Variants in MOK observed in about 807,000 individuals in gnomAD.
MOK encodes the protein MAPK/MAK/MRK overlapping kinase.
Under a neutral mutation model 54.2 loss-of-function variants are expected in MOK, and 59 were observed. That is an observed-to-expected ratio of 1.09 (90% CI 0.88 to 1.35). The LOEUF (loss-of-function observed/expected upper bound fraction) is 1.35. Among genes scored for constraint, MOK ranks in the 40% most tolerant of loss-of-function variants. MOK has a pLI of 0.00. For missense variants in MOK, 517 were observed against 526.2 expected (o/e 0.98, Z 0.17); for synonymous variants, 210 against 202.7 (o/e 1.04, Z -0.31).
chr14:102,288,724 C>T (rs1371267540), intron 1 of MOK, among the ~76,000 whole-genome samples: 4 of 152,138 alleles, frequency 2.6e-5, no homozygotes, highest in African/African-American at 9.7e-5. Context: ...TCCATTAAAA[C>T]AGACAACTCT....
intron 1 of MOK, among the ~76,000 whole-genome samples, chr14:102,304,120 T>C (rs1171233887): frequency 6.6e-6 from 1 of 152,210 alleles, no homozygotes; most frequent in Non-Finnish European, 1.5e-5. Flanking sequence ...AGATTAATTA[T>C]TTTAAATGTT....
chr14:102,250,888 A>T lies in MOK; in HGVS notation c.514T>A (p.Cys172Ser), dbSNP rs1239296624. 1 of 1,613,918 alleles carries T rather than the reference A, an allele frequency of 6.2e-7. No homozygotes were observed. Residue 172 changes from cysteine to serine, a missense_variant, in exon 7 of 12, where the codon TGT (cysteine) becomes AGT (serine). By Grantham distance (112) the Cys-to-Ser change is moderately radical (BLOSUM62 -1). Transcript: ENST00000361847. ...GTGTAGAACCCATCAGTGAGGAGACACTCCGGGGCCCGGTACCAGCGGGTG... is the reference window on the plus strand; with the variant it reads ...GTGTAGAACCCATCAGTGAGGAGACTCTCCGGGGCCCGGTACCAGCGGGTG... ...ISTRWYRAPE[C>S]LLTDGFYTYK... is the part of the protein sequence containing the mutation.
chr14:102,256,499 G>A (rs1031650083), intron 4 of MOK, among the ~76,000 whole-genome samples: 3 of 151,950 alleles, frequency 2.0e-5, no homozygotes, highest in East Asian at 3.9e-4. Flanking sequence ...GCGTGAACCC[G>A]GGAGGCGGAG....
At position 102,258,849 on chromosome 14, in the gene MOK, C is replaced by T. The variant is rs187854638; in HGVS notation, c.283+4697G>A. On this transcript the variant is annotated intron_variant, in intron 4 of 11. Coordinates refer to ENST00000361847, the MANE Select transcript of MOK (RefSeq NM_014226.3). ...TTGGGAGGCTGAGGCGGGCAGATCACGAGGTCAGGAGTTTGAGACAGCCTG... is the reference window on the plus strand; with the variant it reads ...TTGGGAGGCTGAGGCGGGCAGATCATGAGGTCAGGAGTTTGAGACAGCCTG... Among the ~76,000 whole-genome samples, 383 of 152,274 alleles carry T rather than the reference C, an allele frequency of 2.5e-3. 4 individuals carry two copies. Among genetic ancestry groups the T allele is most frequent in the African/African-American group, 8.4e-3 (350 of 41,558 alleles).
downstream of MOK, chr14:102,224,991 G>T (rs1000176671): frequency 1.7e-5 from 6 of 351,482 alleles, no homozygotes; most frequent in Middle Eastern, 1.0e-3. Flanking sequence ...AAACCCAGGA[G>T]GGCCCAAAAC....
chr14:102,275,617 T>C (rs2153157854), intron 2 of MOK, among the ~76,000 whole-genome samples: 1 of 140,662 alleles, frequency 7.1e-6, no homozygotes, highest in Non-Finnish European at 1.5e-5. Context: ...AAAGTTAAAA[T>C]GATAAGGTTT....
At chr14:102,241,890 A>T (rs765973203) in intron 7 of MOK, among the ~76,000 whole-genome samples, 1 of 152,228 alleles carries the variant, frequency 6.6e-6, no homozygotes, top group Non-Finnish European at 1.5e-5. Context: ...TGCCTCCCCA[A>T]GGATCTTACT....
downstream of MOK, among the ~76,000 whole-genome samples, chr14:102,224,234 G>T (rs2064157084): frequency 6.6e-6 from 1 of 151,916 alleles, no homozygotes; most frequent in Non-Finnish European, 1.5e-5. Context: ...TAGAGATGGG[G>T]TTTCACCATG....
intron 1 of MOK, among the ~76,000 whole-genome samples, chr14:102,304,660 C>G (rs1283295053): frequency 1.3e-5 from 2 of 152,250 alleles, no homozygotes; most frequent in Non-Finnish European, 2.9e-5. Flanking sequence ...ACTCCCTAAA[C>G]TCCAATGTAA....
At chr14:102,282,522 G>T (rs1269173642) in intron 2 of MOK, among the ~76,000 whole-genome samples, 1 of 151,990 alleles carries the variant, frequency 6.6e-6, no homozygotes, top group Non-Finnish European at 1.5e-5. Flanking sequence ...ATACCTTGAG[G>T]TCAGGAGTTC....
rs2065606300 is a variant in MOK at position 102,240,292 on chromosome 14, T to C, written c.591-6503A>G. ...GCCTTGTTGCTCACACAAAGCCCGT[T>C]TGGTGGTCTCTTCACAGGGACGCGC... On this transcript the variant is annotated intron_variant, in intron 7 of 11. Coordinates refer to ENST00000361847, the MANE Select transcript of MOK (RefSeq NM_014226.3). The surrounding 1 kb of genome is among the most constrained non-coding windows in gnomAD (Gnocchi z 5.4). Among the ~76,000 whole-genome samples, 1 of 152,186 alleles carries C rather than the reference T, an allele frequency of 6.6e-6. No homozygotes were observed. The highest frequency in any genetic ancestry group is 2.4e-5 in the African/African-American group (1 of 41,442).
intron 7 of MOK, among the ~76,000 whole-genome samples, chr14:102,250,241 A>G (rs1167772341): frequency 3.3e-5 from 5 of 152,130 alleles, no homozygotes; most frequent in African/African-American, 1.2e-4. Context: ...CACTGGGAGC[A>G]AGAGGTGCAG....
chr14:102,217,296 C>A, the MOK span, among the ~76,000 whole-genome samples: 1 of 152,238 alleles, frequency 6.6e-6, no homozygotes. Flanking sequence ...TGAAGGCCCA[C>A]TGACTTGCAC....
rs2065627985 is a variant in MOK, at chr14:102,240,486, C to T, written c.591-6697G>A. 6.1e-6 allele frequency: 1 copy of T among 163,378 alleles called. No individual in the cohort carries two copies. The highest frequency in any genetic ancestry group is 1.3e-5 in the Non-Finnish European group (1 of 77,154). 10.1% of individuals were successfully genotyped at this position (163,378 alleles called of 1,614,324 possible). A position where few individuals can be genotyped will look rare whatever the true frequency, so the allele number is the denominator to read the frequency against. Reference sequence around the variant, plus strand: ...ATCAGGTAAGCGGTCTTTTCACTCTCTTCTCCAGCCTCTCTTGCTACCCTT... The same window carrying T: ...ATCAGGTAAGCGGTCTTTTCACTCTTTTCTCCAGCCTCTCTTGCTACCCTT... On this transcript the variant is annotated intron_variant, in intron 7 of 11. Transcript: ENST00000361847. This position sits in a 1 kb window ranked among gnomAD's most constrained non-coding sequence, Gnocchi z 5.4.
At chr14:102,290,192 C>A (rs2070607989) in intron 1 of MOK, among the ~76,000 whole-genome samples, 1 of 149,964 alleles carries the variant, frequency 6.7e-6, no homozygotes, top group Non-Finnish European at 1.5e-5. Flanking sequence ...ATAATCCCAG[C>A]ACTTTGGAAG....
In MOK at chr14:102,232,570, G is replaced by A; in HGVS notation, c.831C>T (p.His277=). 1 of 1,614,036 alleles carries A rather than the reference G, an allele frequency of 6.2e-7. No individual in the cohort carries two copies. Among genetic ancestry groups the A allele is most frequent in the Non-Finnish European group, 8.5e-7 (1 of 1,179,962 alleles). ...AYDPDERIAA[H]QALQHPYFQE... ...GGAAGTAGGGGTGCTGCAGGGCCTG[G>A]TGGGCGGCGATTCTCTCATCGGGAT... The change falls in exon 9 of 12, where the codon CAC becomes CAT. Residue 277 remains histidine, a synonymous_variant. Transcript: ENST00000361847. The surrounding 1 kb of genome is among the most constrained non-coding windows in gnomAD (Gnocchi z 5.1).
intron 1 of MOK, among the ~76,000 whole-genome samples, chr14:102,294,111 G>C (rs140214040): frequency 9.9e-4 from 150 of 150,976 alleles, no homozygotes; most frequent in African/African-American, 3.7e-3. Flanking sequence ...ACCAGCCTGG[G>C]TAACATGGTG....
chr14:102,297,086 G>C (rs144715550), intron 1 of MOK, among the ~76,000 whole-genome samples: 2 of 149,154 alleles, frequency 1.3e-5, no homozygotes, highest in Non-Finnish European at 3.0e-5. Flanking sequence ...GGCTGGGCAC[G>C]GTGACTCACG....
In MOK at chr14:102,236,503, C is replaced by T. The variant is rs145181806; in HGVS notation, c.591-2714G>A. Among the ~76,000 whole-genome samples, 1,577 of 152,280 alleles carry T rather than the reference C, an allele frequency of 0.01. 28 individuals carry two copies. Among genetic ancestry groups the T allele is most frequent in the African/African-American group, 0.035 (1,469 of 41,542 alleles). ...TCATGCCTCGTTGCCCTACCCCCAT[C>T]CTAGGCCAAATTCAAAGCCAAATTC... is the stretch of plus-strand genomic sequence containing the variant. On this transcript the variant is annotated intron_variant, in intron 7 of 11. Coordinates refer to ENST00000361847, the MANE Select transcript of MOK (RefSeq NM_014226.3). This position sits in a 1 kb window ranked among gnomAD's most constrained non-coding sequence, Gnocchi z 4.5.
Sources: allele counts gnomAD v4.1 joint callset (sites outside exome capture counted in the v4.1 genomes callset), GRCh38; gene constraint gnomAD v4.1.1; non-coding constraint Gnocchi (gnomAD v3.1); transcripts MANE v1.5; gene names NCBI Gene and HGNC (gene_info 2026-07-23, HGNC 2026-07-21).